TOGARAM2: variants seen among roughly 807,000 people sequenced by gnomAD.
TOGARAM2 encodes the protein TOG array regulator of axonemal microtubules 2, also known as TOG array regulator of axonemal microtubules protein 2.
Under a neutral mutation model 93.3 loss-of-function variants are expected in TOGARAM2, and 85 were observed. The observed-to-expected ratio is 0.91, with a 90% CI of 0.76 to 1.09. The LOEUF is 1.09. Among genes scored for constraint, TOGARAM2 ranks in the 50% least tolerant of loss-of-function variants. The pLI is 0.00. For missense variants in TOGARAM2, 1,277 were observed against 1,334.5 expected (o/e 0.96, Z 0.67); for synonymous variants, 593 against 552.8 (o/e 1.07, Z -1.02).
At chr2:29,019,597 T>A (rs1302137329) in intron 10 of TOGARAM2, among the ~76,000 whole-genome samples, 2 of 152,236 alleles carry the variant, frequency 1.3e-5, no homozygotes, top group Non-Finnish European at 2.9e-5. Context: ...TGGCTAGTGA[T>A]GCTTGACCCA....
chr2:29,035,356 A>C (rs1308555772), intron 16 of TOGARAM2, 108 bp from the exon 17 acceptor site: 1 of 1,041,168 alleles, frequency 9.6e-7, no homozygotes, highest in Non-Finnish European at 1.2e-6. Context: ...TGCAGGTGAC[A>C]CTCTTGTCTC....
intron 1 of TOGARAM2, among the ~76,000 whole-genome samples, chr2:28,965,027 A>G (rs7577169): frequency 0.48 from 73,480 of 151,948 alleles, 18,938 homozygotes; most frequent in Middle Eastern, 0.59. Flanking sequence ...GCTGGGTCCA[A>G]TGGTATTTCC....
At chr2:29,045,655 G>A (rs1666701295) in intron 19 of TOGARAM2, 3 of 504,106 alleles carry the variant, frequency 6.0e-6, no homozygotes, top group Non-Finnish European at 1.1e-5. Context: ...ACTGTTACAG[G>A]TTGAATCTCC....
intron 1 of TOGARAM2, among the ~76,000 whole-genome samples, chr2:28,975,097 T>C (rs2148226524): frequency 6.6e-6 from 1 of 152,226 alleles, no homozygotes; most frequent in Non-Finnish European, 1.5e-5. Flanking sequence ...TTTACTCCTG[T>C]GACAGATTAT....
intron 7 of TOGARAM2, among the ~76,000 whole-genome samples, chr2:29,013,822 A>G (rs1664395516): frequency 6.6e-6 from 1 of 152,204 alleles, no homozygotes; most frequent in South Asian, 2.1e-4. Context: ...CTTCACAGAC[A>G]CACCCAGAAA....
intron 16 of TOGARAM2, among the ~76,000 whole-genome samples, 184 bp from the exon 17 acceptor site, chr2:29,035,280 C>T (rs755601535): frequency 5.3e-5 from 8 of 152,202 alleles, no homozygotes; most frequent in Admixed American, 1.3e-4. Flanking sequence ...GCCCTGGCCC[C>T]TGACAAGGGG....
chr2:28,962,356 G>T (rs1362500287), intron 1 of TOGARAM2, among the ~76,000 whole-genome samples: 2 of 151,892 alleles, frequency 1.3e-5, no homozygotes, highest in East Asian at 1.9e-4. Context: ...TTGTATGTTT[G>T]GTAGAGACGG....
intron 14 of TOGARAM2, among the ~76,000 whole-genome samples, chr2:29,031,927 T>G (rs1457165085): frequency 2.6e-5 from 4 of 152,224 alleles, no homozygotes; most frequent in African/African-American, 9.6e-5. Context: ...CCTGCTTCAC[T>G]TCCCACCAGC....
chr2:29,006,057 GTGTA>G (rs1304754883), intron 6 of TOGARAM2, among the ~76,000 whole-genome samples: 1 of 50,520 alleles, frequency 2.0e-5, no homozygotes, highest in Admixed American at 2.2e-4. Context: ...TGGAGTGTGT[GTGTA>G]TGTGTATGTG....
chr2:28,972,841 C>A (rs1447609631), intron 1 of TOGARAM2, among the ~76,000 whole-genome samples: 1 of 152,170 alleles, frequency 6.6e-6, no homozygotes, highest in Non-Finnish European at 1.5e-5. Context: ...GAGCCTGCTT[C>A]CTATGAAACA....
intron 1 of TOGARAM2, among the ~76,000 whole-genome samples, chr2:28,962,712 C>T (rs1256025833): frequency 6.6e-6 from 1 of 150,452 alleles, no homozygotes; most frequent in Non-Finnish European, 1.5e-5. Flanking sequence ...ATTTTGATTC[C>T]CTCTCCCTCT....
upstream of TOGARAM2, among the ~76,000 whole-genome samples, chr2:28,979,947 G>A (rs1337022763): frequency 6.6e-6 from 1 of 152,186 alleles, no homozygotes; most frequent in Non-Finnish European, 1.5e-5. Flanking sequence ...TCACGTCCCC[G>A]CCCTGGGTTC....
chr2:29,032,675 T>C, intron 14 of TOGARAM2: 1 of 408,984 alleles, frequency 2.4e-6, no homozygotes, highest in South Asian at 3.3e-5. Context: ...TACATTCTGA[T>C]ATCAACTAGA....
At chr2:29,022,841 C>T (rs1665048174) in intron 11 of TOGARAM2, among the ~76,000 whole-genome samples, 1 of 152,142 alleles carries the variant, frequency 6.6e-6, no homozygotes, top group South Asian at 2.1e-4. Context: ...GGGGGGTGGG[C>T]TTCCATACAG....
intron 13 of TOGARAM2, among the ~76,000 whole-genome samples, chr2:29,025,040 G>T (rs1049411359): frequency 6.6e-6 from 1 of 152,146 alleles, no homozygotes; most frequent in Admixed American, 6.5e-5. Context: ...ACAGCAAAAG[G>T]CCTCTCCACC....
In TOGARAM2 at chr2:29,051,984, A is replaced by G; in HGVS notation, c.2951A>G (p.Gln984Arg). ...CCAAAGCACGTCCTCAAGACGCTCC[A>G]GGAACTCTTAGACTCAGAGTCCTTG... ...SQPKHVLKTLQELLDSESLGG... is the reference protein window; with the variant it reads ...SQPKHVLKTLRELLDSESLGG... The change falls in exon 20 of 20, where the codon CAG (glutamine) becomes CGG (arginine). Residue 984 changes from glutamine to arginine, a missense_variant. Gln to Arg is a conservative substitution (Grantham distance 43). Coordinates refer to ENST00000379558, the MANE Select transcript of TOGARAM2 (RefSeq NM_199280.4). 1 of 1,613,198 alleles carries G rather than the reference A, an allele frequency of 6.2e-7. No homozygotes were observed. Among genetic ancestry groups the G allele is most frequent in the Non-Finnish European group, 8.5e-7 (1 of 1,179,748 alleles).
At chr2:28,985,242 C>A (rs1318821527) in intron 1 of TOGARAM2, among the ~76,000 whole-genome samples, 1 of 152,112 alleles carries the variant, frequency 6.6e-6, no homozygotes, top group Non-Finnish European at 1.5e-5. Context: ...AGACAGCTAC[C>A]TGCAATCCAG....
rs758937528 is a variant in TOGARAM2 at position 29,017,844 on chromosome 2, C to T, written c.1248C>T (p.Ser416=). ...CACTGTCTGTGCCCACTAGGCTGAGCGGCCCATGCAGAAACGACGTCAGCA... is the reference window on the plus strand; with the variant it reads ...CACTGTCTGTGCCCACTAGGCTGAGTGGCCCATGCAGAAACGACGTCAGCA... ...SGTLSVPTRL[S]GPCRNDVSII... Residue 416 remains serine (S), a synonymous_variant, in exon 10 of 20, where the codon AGC becomes AGT. Transcript: ENST00000379558. 14 of 1,613,118 alleles carry T rather than the reference C, an allele frequency of 8.7e-6. No individual in the cohort carries two copies. Among genetic ancestry groups the T allele is most frequent in the South Asian group, 4.4e-5 (4 of 90,946 alleles).
At chr2:28,960,949 A>T (rs1671798039) in intron 1 of TOGARAM2, among the ~76,000 whole-genome samples, 1 of 152,252 alleles carries the variant, frequency 6.6e-6, no homozygotes, top group Non-Finnish European at 1.5e-5. Flanking sequence ...AAGACATCAA[A>T]GGTGATGCTG....
Sources: gnomAD v4.1 joint callset for allele counts (sites outside exome capture counted in the v4.1 genomes callset) on GRCh38, gnomAD v4.1.1 for gene constraint, MANE v1.5 for transcripts, NCBI Gene and HGNC (gene_info 2026-07-23, HGNC 2026-07-21) for gene names.